Variants in CARS1 observed in about 807,000 individuals in gnomAD.
CARS1 encodes the protein cysteinyl-tRNA synthetase 1, also known as cysteine--tRNA ligase, cytoplasmic.
Under a neutral mutation model 106.2 loss-of-function variants are expected in CARS1, and 48 were observed. The ratio of observed to expected loss-of-function variants is 0.45; its 90% confidence interval spans 0.36 to 0.57. The LOEUF (loss-of-function observed/expected upper bound fraction) is 0.57, where lower values mean the gene tolerates loss of function less well. Among genes scored for constraint, CARS1 ranks in the 20% least tolerant of loss-of-function variants. The pLI is 0.00. For synonymous variants in CARS1, 409 were observed against 403.4 expected (o/e 1.01, Z -0.17); for missense variants, 968 against 1,057.2 (o/e 0.92, Z 1.17).
At chr11:3,015,013 C>A (rs1232181777) in intron 17 of CARS1, among the ~76,000 whole-genome samples, 1 of 152,240 alleles carries the variant, frequency 6.6e-6, no homozygotes, top group African/African-American at 2.4e-5. Context: ...GCATTCTTGA[C>A]CTGGGAGCAG....
chr11:3,042,333 T>G, intron 2 of CARS1, 77 bp from the exon 3 acceptor site: 1 of 1,002,618 alleles, frequency 1.0e-6, no homozygotes, highest in Non-Finnish European at 1.5e-6. Flanking sequence ...CCTGGAGACT[T>G]GGTTTTTACA....
chr11:3,040,682 C>T lies in CARS1; in HGVS notation c.455+214G>A. 2.9e-6 allele frequency: 2 copies of T among 695,796 alleles called. No homozygotes were observed. Among genetic ancestry groups the T allele is most frequent in the Non-Finnish European group, 2.6e-6 (1 of 384,650 alleles). The allele number at this position is 695,796 out of a possible 1,614,324, so 43.1% of individuals were successfully genotyped here. On this transcript the variant is annotated intron_variant, in intron 4 of 22. Transcript: ENST00000380525. This position sits in a 1 kb window ranked among gnomAD's most constrained non-coding sequence, Gnocchi z 5.8. Reference sequence around the variant, plus strand: ...CTATGGACATTTTCTTTTTGGTGATCTGTAGTCTTTCTGCAGTGAATATAG... The same window carrying T: ...CTATGGACATTTTCTTTTTGGTGATTTGTAGTCTTTCTGCAGTGAATATAG...
At position 3,037,558 on chromosome 11, in the gene CARS1, C is replaced by T. The variant is rs1853827702; in HGVS notation, c.801+492G>A. On this transcript the variant is annotated intron_variant, in intron 7 of 22. Coordinates refer to ENST00000380525, the MANE Select transcript of CARS1 (RefSeq NM_001014437.3). The surrounding 1 kb of genome is among the most constrained non-coding windows in gnomAD (Gnocchi z 5.9). ...GAAGAGGGCAGGGTCCCCTCTGCAC[C>T]CAGGTCTCTGCCCTGTGTCTGAAGG... Among the ~76,000 whole-genome samples, 1 of 152,190 alleles carries T rather than the reference C, an allele frequency of 6.6e-6. No individual in the cohort carries two copies. The highest frequency in any genetic ancestry group is 1.9e-4 in the East Asian group (1 of 5,184).
At position 3,044,796 on chromosome 11, in the gene CARS1, T is replaced by C. The variant is rs1280235532; in HGVS notation, c.275-2540A>G. Among the ~76,000 whole-genome samples the C allele has an allele frequency of 6.6e-6, 1 of 152,068 alleles. No homozygotes were observed. Among genetic ancestry groups the C allele is most frequent in the Non-Finnish European group, 1.5e-5 (1 of 68,028 alleles). ...CAACAGACCAACTATGAACCGCTCATGAGAGACATGGCTTTGAAACAGGGA... is the reference window on the plus strand; with the variant it reads ...CAACAGACCAACTATGAACCGCTCACGAGAGACATGGCTTTGAAACAGGGA... On this transcript the variant is annotated intron_variant, in intron 2 of 22. Transcript: ENST00000380525. The surrounding 1 kb of genome is among the most constrained non-coding windows in gnomAD (Gnocchi z 4.4).
Position 3,039,212 on chromosome 11 carries a change from A to G in CARS1, c.633T>C (p.Asp211=). 6.2e-7 allele frequency: 1 copy of G among 1,612,638 alleles called. No homozygotes were observed. The highest frequency in any genetic ancestry group is 8.5e-7 in the Non-Finnish European group (1 of 1,178,856). The change falls in exon 6 of 23, where the codon GAT becomes GAC. Residue 211 remains aspartate (D), a synonymous_variant. Transcript: ENST00000380525. This position sits in a 1 kb window ranked among gnomAD's most constrained non-coding sequence, Gnocchi z 5.6. ...KRPEAAQLLE[D]VQAALKPFSV... ...GGCCCACCTTCAGGGCGGCCTGAAC[A>G]TCCTCCAAGAGCTGTGCCGCTTCAG...
intron 1 of CARS1, among the ~76,000 whole-genome samples, chr11:3,051,111 T>C (rs138968409): frequency 6.6e-6 from 1 of 152,244 alleles, no homozygotes; most frequent in East Asian, 1.9e-4. Context: ...GAAAGACACC[T>C]GCACAAGGAC....
Position 3,039,769 on chromosome 11 carries a change from G to T in CARS1, c.552+66C>A. 1 of 799,432 alleles carries T rather than the reference G, an allele frequency of 1.3e-6. No homozygotes were observed. 49.5% of individuals were successfully genotyped at this position (799,432 alleles called of 1,614,324 possible). On this transcript the variant is annotated intron_variant, in intron 5 of 22. Coordinates refer to ENST00000380525, the MANE Select transcript of CARS1 (RefSeq NM_001014437.3). The surrounding 1 kb of genome is among the most constrained non-coding windows in gnomAD (Gnocchi z 5.6). ...TCAAGCCTACATTATTTACTTATGC[G>T]AAAGTTCTATCTTCTTTTACACCAT...
intron 18 of CARS1, 151 bp from the exon 19 acceptor site, chr11:3,007,110 A>T (rs1849954357): frequency 1.5e-6 from 1 of 648,998 alleles, no homozygotes; most frequent in Non-Finnish European, 2.7e-6. Context: ...GGCCCACAGA[A>T]CGAGTACCTC....
At chr11:3,055,432 C>A (rs1447039227) in intron 1 of CARS1, among the ~76,000 whole-genome samples, 1 of 152,216 alleles carries the variant, frequency 6.6e-6, no homozygotes, top group Non-Finnish European at 1.5e-5. Context: ...TGAGCCACTG[C>A]GCCTGGCCTA....
In CARS1 at chr11:3,053,988, G is replaced by A. The variant is rs1855938720; in HGVS notation, c.25+3355C>T. ...CACCCTCTACAGCTGCTCCTCTTGG[G>A]TCCTTCCCAGTGATCCACTCCCTGC... On this transcript the variant is annotated intron_variant, in intron 1 of 22. Transcript: ENST00000380525. This position sits in a 1 kb window ranked among gnomAD's most constrained non-coding sequence, Gnocchi z 6.6. Among the ~76,000 whole-genome samples, 1 of 152,102 alleles carries A rather than the reference G, an allele frequency of 6.6e-6. No individual in the cohort carries two copies. Among genetic ancestry groups the A allele is most frequent in the Admixed American group, 6.5e-5 (1 of 15,274 alleles).
chr11:3,034,598 C>T lies in CARS1; in HGVS notation c.801+3452G>A, dbSNP rs1169068261. Among the ~76,000 whole-genome samples the T allele has an allele frequency of 2.0e-5, 3 of 152,092 alleles. No homozygotes were observed. The highest frequency in any genetic ancestry group is 1.9e-4 in the East Asian group (1 of 5,190). On this transcript the variant is annotated intron_variant, in intron 7 of 22. Coordinates refer to ENST00000380525, the MANE Select transcript of CARS1 (RefSeq NM_001014437.3). This position sits in a 1 kb window ranked among gnomAD's most constrained non-coding sequence, Gnocchi z 6.3. ...AGGCTGCAGTGCAACAGCACGATCT[C>T]GGCTCACTGCAACCTCTGACTCCCT... is the stretch of plus-strand genomic sequence containing the variant.
At position 3,046,555 on chromosome 11, in the gene CARS1, C is replaced by T. The variant is rs751712572; in HGVS notation, c.274+1198G>A. 6.6e-6 allele frequency among the ~76,000 whole-genome samples: 1 copy of T among 152,168 alleles called. No homozygotes were observed. The highest frequency in any genetic ancestry group is 1.5e-5 in the Non-Finnish European group (1 of 68,030). ...TGCAGAGTTATCCAGAAAACACGAC[C>T]CACAGGAGATGTGACATCCCCACCT... is the stretch of plus-strand genomic sequence containing the variant. On this transcript the variant is annotated intron_variant, in intron 2 of 22. Transcript: ENST00000380525. This position sits in a 1 kb window ranked among gnomAD's most constrained non-coding sequence, Gnocchi z 5.8.
chr11:3,047,767 C>A lies in CARS1; in HGVS notation c.260G>T (p.Cys87Phe). The A allele has an allele frequency of 1.9e-6, 3 of 1,612,250 alleles. No individual in the cohort carries two copies. The highest frequency in any genetic ancestry group is 2.5e-6 in the Non-Finnish European group (3 of 1,178,668). The part of the protein sequence containing the change: ...LGSPCGKGQP[C>F]RLQASKGRRV... ...CTGTTACTCACTTGCTTGGAGCCTG[C>A]AGGGCTGGCCTTTGCCACAGGGGCT... The change falls in exon 2 of 23, where the codon TGC becomes TTC. Residue 87 changes from cysteine (C) to phenylalanine (F), a missense_variant. Coordinates refer to ENST00000380525, the MANE Select transcript of CARS1 (RefSeq NM_001014437.3).
At chr11:3,031,278 A>T (rs1217856168) in intron 7 of CARS1, 1 of 152,236 alleles carries the variant, frequency 6.6e-6, no homozygotes, top group Non-Finnish European at 1.5e-5. Flanking sequence ...AAAGAAAAGT[A>T]ATTTGAAGGG....
At chr11:3,006,669 G>A (rs1159985927) in intron 19 of CARS1, among the ~76,000 whole-genome samples, 2 of 152,208 alleles carry the variant, frequency 1.3e-5, no homozygotes, top group African/African-American at 2.4e-5. Context: ...ACCACCACAC[G>A]CAGCAGTGGG....
At chr11:3,011,281 C>T (rs1278273226) in intron 18 of CARS1, among the ~76,000 whole-genome samples, 1 of 152,214 alleles carries the variant, frequency 6.6e-6, no homozygotes, top group Non-Finnish European at 1.5e-5. Flanking sequence ...CTTTCTAAGT[C>T]TTAAACCACA....
chr11:3,014,105 C>G (rs1048860702), intron 17 of CARS1, among the ~76,000 whole-genome samples: 1 of 152,172 alleles, frequency 6.6e-6, no homozygotes, highest in African/African-American at 2.4e-5. Flanking sequence ...CACAGCCAGC[C>G]CAGACAAGCC....
At chr11:3,049,588 G>A (rs1031335366) in intron 1 of CARS1, among the ~76,000 whole-genome samples, 1 of 152,192 alleles carries the variant, frequency 6.6e-6, no homozygotes, top group Non-Finnish European at 1.5e-5. Flanking sequence ...GAGGACTGTG[G>A]GAAAAGGACC....
chr11:3,038,288 G>GT lies in CARS1; in HGVS notation c.652-90dup. On this transcript the variant is annotated intron_variant, in intron 6 of 22. Coordinates refer to ENST00000380525, the MANE Select transcript of CARS1 (RefSeq NM_001014437.3). The surrounding 1 kb of genome is among the most constrained non-coding windows in gnomAD (Gnocchi z 4.0). ...GTGATTCCAGGTAGAAAACAGAACG[G>GT]TTTTTCCCATGGCCCCATAGAGATA... The GT allele has an allele frequency of 7.8e-7, 1 of 1,277,700 alleles. No homozygotes were observed. 79.1% of individuals were successfully genotyped at this position (1,277,700 alleles called of 1,614,324 possible). A position where few individuals can be genotyped will look rare whatever the true frequency, so the allele number is the denominator to read the frequency against.
Sources: gnomAD v4.1 joint callset for allele counts (sites outside exome capture counted in the v4.1 genomes callset) on GRCh38, gnomAD v4.1.1 for gene constraint, Gnocchi (gnomAD v3.1) non-coding constraint, MANE v1.5 for transcripts, NCBI Gene and HGNC (gene_info 2026-07-23, HGNC 2026-07-21) for gene names.